Variants in PDK3 observed in about 807,000 individuals in gnomAD.
PDK3 encodes the protein pyruvate dehydrogenase kinase, isozyme 3.
PDK3 carries 12 observed loss-of-function variants against 32.0 expected under a neutral mutation model. The ratio of observed to expected loss-of-function variants is 0.37; its 90% CI spans 0.24 to 0.61. The LOEUF is 0.61. PDK3 is among the 20% of genes least tolerant of loss of function. The pLI, the probability that PDK3 is intolerant of heterozygous loss-of-function variation, is 0.65. For synonymous variants in PDK3, 122 were observed against 116.3 expected (o/e 1.05, Z -0.31); for missense variants, 188 against 316.9 (o/e 0.59, Z 3.09).
At chrX:24,496,957 T>C (rs56851573) in intron 2 of PDK3, among the ~76,000 whole-genome samples, 2,631 of 106,770 alleles carry the variant, frequency 0.025, 62 homozygotes, top group South Asian at 0.21. Context: ...AATTTTTGTA[T>C]TTTTAGTAAA....
intron 5 of PDK3, among the ~76,000 whole-genome samples, chrX:24,507,217 G>C (rs1032399926): frequency 1.8e-5 from 2 of 111,443 alleles, no homozygotes; most frequent in African/African-American, 6.5e-5. Context: ...TTCTGACTCT[G>C]TATAGATTTT....
At chrX:24,509,493 C>CACACAT (rs1569224367) in intron 5 of PDK3, among the ~76,000 whole-genome samples, 1 of 110,917 alleles carries the variant, frequency 9.0e-6, no homozygotes, top group African/African-American at 3.3e-5. Context: ...TCCCCCAACA[C>CACACAT]ACACATACAC....
downstream of PDK3, among the ~76,000 whole-genome samples, chrX:24,538,868 A>G (rs1922833818): frequency 8.9e-6 from 1 of 111,952 alleles, no homozygotes; most frequent in Non-Finnish European, 1.9e-5. Flanking sequence ...GCATATTTTC[A>G]TCACCCCAAA....
chrX:24,490,646 G>A (rs1207508492), intron 1 of PDK3, among the ~76,000 whole-genome samples: 2 of 111,870 alleles, frequency 1.8e-5, no homozygotes, highest in African/African-American at 3.3e-5. Context: ...TTTCACTGCA[G>A]CTATGTTGTG....
chrX:24,504,188 A>G (rs1193642053), intron 4 of PDK3, among the ~76,000 whole-genome samples: 1 of 112,618 alleles, frequency 8.9e-6, no homozygotes, highest in Non-Finnish European at 1.9e-5. Context: ...GCTGCATCAC[A>G]AAGTGGACAA....
At chrX:24,502,904 A>G (rs905829079) in intron 3 of PDK3, among the ~76,000 whole-genome samples, 8 of 111,990 alleles carry the variant, frequency 7.1e-5, no homozygotes, top group East Asian at 2.8e-4. Flanking sequence ...CATGGAAGCT[A>G]TTGCTTTGAG....
chrX:24,467,014 A>G (rs1940070746), intron 1 of PDK3, among the ~76,000 whole-genome samples: 1 of 112,264 alleles, frequency 8.9e-6, no homozygotes, highest in African/African-American at 3.2e-5. Context: ...TTCCACCCTC[A>G]AAGTTTAAGT....
At chrX:24,470,704 A>G (rs1345713681) in intron 1 of PDK3, among the ~76,000 whole-genome samples, 14 of 105,740 alleles carry the variant, frequency 1.3e-4, no homozygotes, top group South Asian at 4.1e-4. Context: ...AAAAAAAAAA[A>G]AAAAAAGAAG....
exon 12 of PDK3, among the ~76,000 whole-genome samples, chrX:24,540,889 C>CTTTTTTTTTTTTT (rs369307335): frequency 2.7e-5 from 1 of 36,680 alleles, no homozygotes; most frequent in Admixed American, 4.7e-4. Flanking sequence ...CCCTAGCTTC[C>CTTTTTTTTTTTTT]TTTTTTTTTT....
intron 1 of PDK3, among the ~76,000 whole-genome samples, chrX:24,478,089 G>A (rs1416466040): frequency 9.0e-6 from 1 of 111,502 alleles, no homozygotes; most frequent in Non-Finnish European, 1.9e-5. Flanking sequence ...TGTGCTAAGG[G>A]AACTGTGGAT....
intron 9 of PDK3, among the ~76,000 whole-genome samples, chrX:24,529,772 AAAAG>A (rs1224483166): frequency 2.7e-5 from 3 of 110,925 alleles, no homozygotes; most frequent in Non-Finnish European, 5.7e-5. Context: ...AAAAAAAAAA[AAAAG>A]AAAAGAAAAA....
intron 5 of PDK3, among the ~76,000 whole-genome samples, chrX:24,508,390 G>A (rs902645102): frequency 1.8e-5 from 2 of 111,677 alleles, no homozygotes; most frequent in African/African-American, 3.3e-5. Context: ...GAGCCAAACC[G>A]TATCAATGAA....
intron 1 of PDK3, among the ~76,000 whole-genome samples, chrX:24,479,361 C>T (rs979972966): frequency 1.8e-5 from 2 of 112,104 alleles, no homozygotes; most frequent in Non-Finnish European, 3.8e-5. Context: ...CCCTTCATGG[C>T]CAGGGTACTG....
At chrX:24,507,284 G>T (rs1033856909) in intron 5 of PDK3, among the ~76,000 whole-genome samples, 1 of 112,139 alleles carries the variant, frequency 8.9e-6, no homozygotes, top group Non-Finnish European at 1.9e-5. Flanking sequence ...TTTGGTAACT[G>T]GCTTCTTTCA....
chrX:24,469,410 TA>T (rs1432511905), intron 1 of PDK3, among the ~76,000 whole-genome samples: 4 of 106,432 alleles, frequency 3.8e-5, no homozygotes, highest in Non-Finnish European at 3.9e-5. Context: ...TTTTGATAGG[TA>T]AAAAAAAAAT....
chrX:24,466,153 T>C (rs1045453784), intron 1 of PDK3, among the ~76,000 whole-genome samples: 1 of 110,550 alleles, frequency 9.0e-6, no homozygotes, highest in Non-Finnish European at 1.9e-5. Context: ...GAGCAGGGTC[T>C]AATACAACTC....
At chrX:24,537,254 C>G (rs748611744), downstream of PDK3, among the ~76,000 whole-genome samples, 9 of 103,271 alleles carry the variant, frequency 8.7e-5, no homozygotes, top group South Asian at 1.8e-3. Context: ...GTAGCTGGGA[C>G]TACAGGCATG....
At chrX:24,537,144 G>T (rs1922795262), downstream of PDK3, among the ~76,000 whole-genome samples, 1 of 92,507 alleles carries the variant, frequency 1.1e-5, no homozygotes, top group African/African-American at 4.0e-5. Context: ...TTGAGACAGA[G>T]TCTCACTCTG....
exon 12 of PDK3, chrX:24,547,988 G>T (rs1273637221): frequency 8.9e-6 from 1 of 112,437 alleles, no homozygotes; most frequent in Admixed American, 9.4e-5. Flanking sequence ...AAAGTAAAGA[G>T]ATCAAAATGA....
Sources: allele counts gnomAD v4.1 joint callset (sites outside exome capture counted in the v4.1 genomes callset), GRCh38; gene constraint gnomAD v4.1.1; transcripts MANE v1.5; gene names NCBI Gene and HGNC (gene_info 2026-07-23, HGNC 2026-07-21).